NRXN3: variants seen among roughly 807,000 people sequenced by gnomAD.
NRXN3 encodes neurexin 3.
Under a neutral mutation model 137.6 loss-of-function variants are expected in NRXN3, and 32 were observed. The ratio of observed to expected loss-of-function variants is 0.23; its 90% CI spans 0.18 to 0.31. The LOEUF is 0.31. Ranked by LOEUF, NRXN3 falls within the 10% of genes least tolerant of loss-of-function variation. NRXN3 has a pLI of 1.00. For synonymous variants in NRXN3, 798 were observed against 784.5 expected, an observed-to-expected ratio of 1.02 and a Z score of -0.29; for missense variants, 1,574 against 2,062.5, an observed-to-expected ratio of 0.76 and a Z score of 4.59.
chr14:78,589,287 G>T (rs2097094888), intron 4 of NRXN3, among the ~76,000 whole-genome samples: 2 of 152,170 alleles, frequency 1.3e-5, no homozygotes. Context: ...TCCTAAGCAG[G>T]CTGCTGCCTT....
intron 16 of NRXN3, among the ~76,000 whole-genome samples, chr14:79,657,940 C>A (rs1193629550): frequency 1.3e-5 from 2 of 152,152 alleles, no homozygotes; most frequent in Non-Finnish European, 2.9e-5. Flanking sequence ...AAAATCACAA[C>A]CACACATTCT....
At chr14:78,420,567 G>C (rs2093399877) in intron 4 of NRXN3, among the ~76,000 whole-genome samples, 1 of 152,220 alleles carries the variant, frequency 6.6e-6, no homozygotes, top group African/African-American at 2.4e-5. Context: ...GGGAACAAAT[G>C]TGCAGCTTCA....
intron 15 of NRXN3, among the ~76,000 whole-genome samples, chr14:79,309,965 T>G (rs1480321652): frequency 8.2e-6 from 1 of 122,596 alleles, no homozygotes; most frequent in African/African-American, 3.8e-5. Context: ...TTTTGGCTTT[T>G]GTTGCCATTG....
At chr14:78,497,505 A>G (rs548198604) in intron 4 of NRXN3, among the ~76,000 whole-genome samples, 72 of 152,238 alleles carry the variant, frequency 4.7e-4, no homozygotes, top group African/African-American at 1.6e-3. Flanking sequence ...TAACCTGGAA[A>G]TAGACACCAC....
At chr14:79,526,993 A>C (rs1246840399) in intron 16 of NRXN3, among the ~76,000 whole-genome samples, 1 of 152,238 alleles carries the variant, frequency 6.6e-6, no homozygotes, top group Non-Finnish European at 1.5e-5. Flanking sequence ...AGTAGTAACA[A>C]GAATAACTGC....
rs780186696 is a variant in NRXN3 at position 78,715,016 on chromosome 14, C to T, written c.1921C>T (p.Arg641Trp). 2.5e-6 allele frequency: 4 copies of T among 1,613,922 alleles called. No individual in the cohort carries two copies. Among genetic ancestry groups the T allele is most frequent in the Admixed American group, 1.7e-5 (1 of 60,010 alleles). Reference sequence around the variant, plus strand: ...TGCGGGTGTCAAGTCCTCCTGTTCACGGATGAGTGCCAAGCAGTGTGACAG... The same window carrying T: ...TGCGGGTGTCAAGTCCTCCTGTTCATGGATGAGTGCCAAGCAGTGTGACAG... ...NAAGVKSSCS[R>W]MSAKQCDSYP... is the part of the protein sequence containing the mutation. The change falls in exon 8 of 21, where the codon CGG becomes TGG. Residue 641 changes from arginine (R) to tryptophan (W), a missense_variant. Arg to Trp is a moderately radical substitution (Grantham distance 101, BLOSUM62 -3). Around this residue, in one of 5 missense-constraint regions of NRXN3, gnomAD observed 718 missense variants for 887.6 expected, o/e 0.81. Transcript: ENST00000335750.
intron 4 of NRXN3, among the ~76,000 whole-genome samples, chr14:78,617,919 CAAAA>C (rs2097362653): frequency 6.9e-6 from 1 of 144,452 alleles, no homozygotes; most frequent in Non-Finnish European, 1.5e-5. Context: ...AAAGTAATGG[CAAAA>C]ACCGCAATTA....
At chr14:78,566,580 G>A (rs1042541862) in intron 4 of NRXN3, among the ~76,000 whole-genome samples, 6 of 152,176 alleles carry the variant, frequency 3.9e-5, no homozygotes. Flanking sequence ...CCTGGCCACA[G>A]AGCCAGACCC....
At chr14:79,712,876 A>C (rs1157356449) in intron 19 of NRXN3, among the ~76,000 whole-genome samples, 1 of 152,086 alleles carries the variant, frequency 6.6e-6, no homozygotes, top group Non-Finnish European at 1.5e-5. Flanking sequence ...CTCCTGTATT[A>C]AATCCTAGTT....
intron 19 of NRXN3, among the ~76,000 whole-genome samples, chr14:79,785,419 T>C (rs903458879): frequency 1.3e-5 from 2 of 152,196 alleles, no homozygotes; most frequent in Admixed American, 6.5e-5. Context: ...GAGTCTCTTA[T>C]TCCCATTCCT....
chr14:78,654,302 C>T (rs912297922), intron 6 of NRXN3, among the ~76,000 whole-genome samples: 1 of 152,186 alleles, frequency 6.6e-6, no homozygotes, highest in African/African-American at 2.4e-5. Flanking sequence ...TCTTCTTCCC[C>T]TTCCTTTTCC....
intron 4 of NRXN3, among the ~76,000 whole-genome samples, chr14:78,491,380 G>C (rs181359020): frequency 6.6e-6 from 1 of 152,302 alleles, no homozygotes; most frequent in African/African-American, 2.4e-5. Flanking sequence ...GAGGGAGTTG[G>C]GGCAGGGGAT....
intron 4 of NRXN3, among the ~76,000 whole-genome samples, chr14:78,523,678 G>A (rs1462537015): frequency 2.0e-5 from 3 of 149,020 alleles, no homozygotes; most frequent in East Asian, 3.9e-4. Context: ...TTAGCTGGGC[G>A]TTGTGGCAGG....
At chr14:79,386,180 G>C (rs904242490) in intron 15 of NRXN3, among the ~76,000 whole-genome samples, 1 of 152,152 alleles carries the variant, frequency 6.6e-6, no homozygotes, top group Non-Finnish European at 1.5e-5. Flanking sequence ...GTTTGCAGAT[G>C]ACATGACTGT....
chr14:79,793,427 A>G (rs913455722), intron 19 of NRXN3, among the ~76,000 whole-genome samples: 38 of 149,382 alleles, frequency 2.5e-4, no homozygotes, highest in Admixed American at 2.3e-3. Flanking sequence ...AAAAACAAAA[A>G]CAAAAACAAA....
rs1167688012 is a variant in NRXN3 at position 79,740,710 on chromosome 14, TTTTATA to T, written c.4014+42775_4014+42780del. ...TTTCCACTGGACTTTGCATTTAGTT[TTTTATA>T]TATATATATATATATATATATATAT... is the stretch of plus-strand genomic sequence containing the variant. On this transcript the variant is annotated intron_variant, in intron 19 of 20. Coordinates refer to ENST00000335750, the MANE Select transcript of NRXN3 (RefSeq NM_001330195.2). Among the ~76,000 whole-genome samples, 162 of 73,228 alleles carry T rather than the reference TTTTATA, an allele frequency of 2.2e-3. 11 individuals carry two copies. Among genetic ancestry groups the T allele is most frequent in the Middle Eastern group, 7.8e-3 (1 of 128 alleles). 48.0% of individuals were successfully genotyped at this position (73,228 alleles called of 152,430 possible).
chr14:79,388,493 G>T (rs75965767), intron 15 of NRXN3, among the ~76,000 whole-genome samples: 1,911 of 152,100 alleles, frequency 0.013, 44 homozygotes, highest in African/African-American at 0.045. Flanking sequence ...TGAGAGTGGG[G>T]TTCCTATTTT....
chr14:78,603,613 A>C (rs1366433994), intron 4 of NRXN3, among the ~76,000 whole-genome samples: 1 of 152,268 alleles, frequency 6.6e-6, no homozygotes, highest in African/African-American at 2.4e-5. Flanking sequence ...TTATAATTAG[A>C]AATTATGATA....
intron 15 of NRXN3, among the ~76,000 whole-genome samples, chr14:79,069,730 A>T (rs180884590): frequency 7.9e-5 from 12 of 152,114 alleles, no homozygotes; most frequent in African/African-American, 2.4e-4. Flanking sequence ...ATTGTGACAC[A>T]CTGTGATCAT....
Sources: gnomAD v4.1 joint callset for allele counts (sites outside exome capture counted in the v4.1 genomes callset) on GRCh38, gnomAD v4.1.1 for gene constraint, gnomAD v4.1.1 regional missense constraint, MANE v1.5 for transcripts, NCBI Gene and HGNC (gene_info 2026-07-23, HGNC 2026-07-21) for gene names.